CPNE4: variants seen among roughly 807,000 people sequenced by gnomAD.
The protein encoded by CPNE4 is copine-4.
A neutral mutation model predicts 67.9 loss-of-function variants in CPNE4; 25 were observed. That is an observed-to-expected ratio of 0.37 (90% confidence interval 0.27 to 0.51). CPNE4 has a LOEUF of 0.51. Among genes scored for constraint, CPNE4 ranks in the 20% least tolerant of loss-of-function variants. The pLI is 0.93. For missense variants in CPNE4, 464 were observed against 690.8 expected (o/e 0.67, Z 3.68); for synonymous variants, 242 against 244.9 (o/e 0.99, Z 0.11).
In CPNE4 at chr3:131,790,930, T is replaced by C. The variant is rs575240024; in HGVS notation, c.181-67305A>G. On this transcript the variant is annotated intron_variant, in intron 2 of 15. Transcript: ENST00000429747. The stretch of plus-strand genomic sequence containing the variant: ...TGCTTTAACATGTTTTATTGTGCAG[T>C]CTTTAGTAATCTTTACCAAAAAAAA... 2.0e-5 allele frequency among the ~76,000 whole-genome samples: 3 copies of C among 152,304 alleles called. No homozygotes were observed. The South Asian group carries it at 6.2e-4, about 32-fold the overall frequency.
chr3:131,766,122 C>A (rs1479185097), intron 2 of CPNE4, among the ~76,000 whole-genome samples: 1 of 152,134 alleles, frequency 6.6e-6, no homozygotes, highest in Admixed American at 6.6e-5. Flanking sequence ...ACCTCCGGCA[C>A]CAGATTGCCT....
At chr3:131,882,439 A>C (rs2087712873) in intron 2 of CPNE4, among the ~76,000 whole-genome samples, 1 of 152,208 alleles carries the variant, frequency 6.6e-6, no homozygotes, top group Non-Finnish European at 1.5e-5. Context: ...TGTTTAAAGA[A>C]CTGCCTTATT....
intron 11 of CPNE4, among the ~76,000 whole-genome samples, chr3:131,562,388 TTC>T (rs1456759651): frequency 6.6e-6 from 1 of 152,044 alleles, no homozygotes; most frequent in Non-Finnish European, 1.5e-5. Flanking sequence ...CCCATCAGTC[TTC>T]TGTTTGTAAT....
chr3:131,610,774 G>A (rs892743241), intron 7 of CPNE4, among the ~76,000 whole-genome samples: 3 of 152,084 alleles, frequency 2.0e-5, no homozygotes, highest in Non-Finnish European at 2.9e-5. Flanking sequence ...CCTAAGATTG[G>A]CATCTTACTC....
chr3:131,566,867 T>G (rs1305475971), intron 10 of CPNE4, among the ~76,000 whole-genome samples: 1 of 151,940 alleles, frequency 6.6e-6, no homozygotes, highest in Non-Finnish European at 1.5e-5. Flanking sequence ...ATGTTAGTAC[T>G]CCAGGGAATT....
At chr3:131,797,148 T>C (rs1195910049) in intron 2 of CPNE4, among the ~76,000 whole-genome samples, 1 of 152,172 alleles carries the variant, frequency 6.6e-6, no homozygotes, top group Non-Finnish European at 1.5e-5. Context: ...CAAGCACATC[T>C]TTCTTGGCGT....
intron 14 of CPNE4, 120 bp from the exon 15 acceptor site, chr3:131,542,913 G>A (rs913384005): frequency 7.4e-6 from 5 of 675,764 alleles, no homozygotes; most frequent in African/African-American, 7.1e-5. Flanking sequence ...CAACAGTGAT[G>A]ACAGACATTT....
At chr3:131,658,835 G>C (rs775508026) in intron 7 of CPNE4, among the ~76,000 whole-genome samples, 5 of 152,134 alleles carry the variant, frequency 3.3e-5, no homozygotes, top group Admixed American at 6.5e-5. Flanking sequence ...TACTGACAAT[G>C]CTTTCCAGAA....
chr3:131,680,253 C>CT (rs34739453), intron 6 of CPNE4, among the ~76,000 whole-genome samples: 48,569 of 143,820 alleles, frequency 0.34, 8,513 homozygotes, highest in African/African-American at 0.43. Flanking sequence ...GCAACCCCTG[C>CT]TTTTTTTTTT....
intron 2 of CPNE4, among the ~76,000 whole-genome samples, chr3:131,778,919 A>G (rs1256682851): frequency 6.6e-6 from 1 of 152,104 alleles, no homozygotes; most frequent in Non-Finnish European, 1.5e-5. Flanking sequence ...ACTATATGAT[A>G]CTATACCTAG....
At chr3:131,662,019 G>A (rs1227010039) in intron 7 of CPNE4, among the ~76,000 whole-genome samples, 2 of 152,252 alleles carry the variant, frequency 1.3e-5, no homozygotes, top group East Asian at 3.9e-4. Context: ...ATTCAGATCT[G>A]GGGGTTGGAA....
chr3:131,715,427 C>A (rs1383264048), intron 3 of CPNE4, among the ~76,000 whole-genome samples: 1 of 152,172 alleles, frequency 6.6e-6, no homozygotes, highest in Non-Finnish European at 1.5e-5. Flanking sequence ...ATCATTTATA[C>A]TAGTTAGTGA....
At chr3:131,970,294 T>C (rs1440072424) in intron 1 of CPNE4, among the ~76,000 whole-genome samples, 1 of 152,250 alleles carries the variant, frequency 6.6e-6, no homozygotes, top group African/African-American at 2.4e-5. Context: ...CTTTGACCTG[T>C]AGCCAAAGCA....
intron 2 of CPNE4, among the ~76,000 whole-genome samples, chr3:131,831,422 C>T (rs1410475562): frequency 6.6e-6 from 1 of 152,064 alleles, no homozygotes; most frequent in Non-Finnish European, 1.5e-5. Flanking sequence ...TATCTAAACA[C>T]TGGAGCTTTG....
chr3:131,575,242 G>T, intron 9 of CPNE4, 112 bp from the exon 10 acceptor site: 2 of 826,452 alleles, frequency 2.4e-6, no homozygotes, highest in Non-Finnish European at 4.1e-6. Flanking sequence ...GGAAAGGGCA[G>T]ACAGACATCA....
chr3:131,891,016 A>C (rs1313565138), intron 2 of CPNE4, among the ~76,000 whole-genome samples: 1 of 152,160 alleles, frequency 6.6e-6, no homozygotes, highest in Non-Finnish European at 1.5e-5. Flanking sequence ...GCTGTACCAC[A>C]TAGTGCCTAT....
At chr3:131,639,908 T>C (rs1012472092) in intron 7 of CPNE4, among the ~76,000 whole-genome samples, 3 of 152,114 alleles carry the variant, frequency 2.0e-5, no homozygotes, top group African/African-American at 7.2e-5. Flanking sequence ...AAACAAAAAT[T>C]ACATGATTAT....
At chr3:131,707,733 C>A (rs973132732) in intron 3 of CPNE4, among the ~76,000 whole-genome samples, 1 of 152,144 alleles carries the variant, frequency 6.6e-6, no homozygotes, top group Non-Finnish European at 1.5e-5. Flanking sequence ...TTCACACTCA[C>A]TCTTTATCCT....
intron 1 of CPNE4, among the ~76,000 whole-genome samples, chr3:131,911,182 A>T (rs1291897522): frequency 1.3e-5 from 2 of 152,158 alleles, no homozygotes; most frequent in South Asian, 4.1e-4. Flanking sequence ...GTTGGCTTTA[A>T]TGAAGTGGCC....
Sources: gnomAD v4.1 joint callset for allele counts (sites outside exome capture counted in the v4.1 genomes callset) on GRCh38, gnomAD v4.1.1 for gene constraint, MANE v1.5 for transcripts, NCBI Gene and HGNC (gene_info 2026-07-23, HGNC 2026-07-21) for gene names.